Variants in KYAT3 observed in about 807,000 individuals in gnomAD.
The protein encoded by KYAT3 is kynurenine aminotransferase 3.
A neutral mutation model predicts 59.0 loss-of-function variants in KYAT3; 50 were observed. The ratio of observed to expected loss-of-function variants is 0.85; its 90% CI spans 0.68 to 1.07. The LOEUF (loss-of-function observed/expected upper bound fraction) is 1.07. KYAT3 is among the 50% of genes least tolerant of loss of function. The pLI, the probability that KYAT3 is intolerant of heterozygous loss-of-function variation, is 0.00. For missense variants in KYAT3, 497 were observed against 533.3 expected (o/e 0.93, Z 0.67); for synonymous variants, 148 against 177.0 (o/e 0.84, Z 1.30).
intron 4 of KYAT3, among the ~76,000 whole-genome samples, chr1:88,965,976 T>G (rs1676334781): frequency 6.6e-6 from 1 of 152,212 alleles, no homozygotes; most frequent in Non-Finnish European, 1.5e-5. Flanking sequence ...TGTTTGTGCT[T>G]TTAAAATTAA....
chr1:88,948,238 G>A (rs1224871117), intron 11 of KYAT3, among the ~76,000 whole-genome samples: 3 of 152,008 alleles, frequency 2.0e-5, no homozygotes, highest in Non-Finnish European at 2.9e-5. Flanking sequence ...ATACAATTTA[G>A]TATAAATAAA....
At chr1:88,922,751 C>G in the KYAT3 span, among the ~76,000 whole-genome samples, 3 of 152,188 alleles carry the variant, frequency 2.0e-5, no homozygotes, top group Admixed American at 2.0e-4. Flanking sequence ...TTCCTCCCAT[C>G]TTTATTCTGA....
chr1:88,929,519 C>A, the KYAT3 span, among the ~76,000 whole-genome samples: 1 of 152,160 alleles, frequency 6.6e-6, no homozygotes, highest in Non-Finnish European at 1.5e-5. Flanking sequence ...TCAGGGATAG[C>A]CCCCATCTAT....
At chr1:88,978,508 A>AT (rs1170337945) in intron 2 of KYAT3, among the ~76,000 whole-genome samples, 3 of 151,258 alleles carry the variant, frequency 2.0e-5, no homozygotes, top group African/African-American at 7.3e-5. Flanking sequence ...GTTAACTTTA[A>AT]TTTTTTTGAG....
At chr1:88,961,652 T>G in intron 6 of KYAT3, 146 bp from the exon 7 acceptor site, 1 of 684,314 alleles carries the variant, frequency 1.5e-6, no homozygotes, top group South Asian at 2.2e-5. Context: ...TTTCCTGCAG[T>G]AGGAACAGAA....
chr1:88,961,347 C>G lies in KYAT3; in HGVS notation c.666+34G>C, dbSNP rs1265477806. On this transcript the variant is annotated intron_variant, in intron 7 of 13. Transcript: ENST00000260508. ...TTCAACATGTGAGAAAATGATAGGT[C>G]AGAAGACTGTATAAGGAGATGAGAC... 2.5e-6 allele frequency: 4 copies of G among 1,613,356 alleles called. No homozygotes were observed. In the Admixed American group the frequency reaches 5.0e-5, roughly 20 times the overall value.
At chr1:88,953,018 TCA>T in intron 10 of KYAT3, 43 bp downstream of exon 10, 2 of 1,192,876 alleles carry the variant, frequency 1.7e-6, no homozygotes, top group Non-Finnish European at 2.5e-6. Context: ...AGTAATACCT[TCA>T]CCAAAAGACA....
At chr1:88,930,559 G>A in the KYAT3 span, among the ~76,000 whole-genome samples, 1 of 152,140 alleles carries the variant, frequency 6.6e-6, no homozygotes, top group East Asian at 1.9e-4. Flanking sequence ...GGTATGCAGT[G>A]GTCAGTGGTA....
In KYAT3 at chr1:88,964,944, A is replaced by T. The variant is rs150167083; in HGVS notation, c.338T>A (p.Leu113Gln). The change falls in exon 5 of 14, where the codon CTG (leucine) becomes CAG (glutamine). Residue 113 changes from leucine (L) to glutamine (Q), a missense_variant. Leu to Gln is a moderately radical substitution (Grantham distance 113, BLOSUM62 -2). This residue lies in a region of KYAT3 where 469 missense variants were observed against 479.1 expected (regional missense o/e 0.98). Transcript: ENST00000260508. ...TTGCTTTTGATAAAGCTTTTCATAC[A>T]GATAGGACAGAGCTTTCACAAGTGA... ...HPSLVKALSY[L>Q]YEKLYQKQID... 6.2e-7 allele frequency: 1 copy of T among 1,607,080 alleles called. No individual in the cohort carries two copies. The highest frequency in any genetic ancestry group is 1.7e-5 in the Admixed American group (1 of 57,944).
the KYAT3 span, among the ~76,000 whole-genome samples, chr1:88,925,802 T>C: frequency 6.8e-6 from 1 of 147,370 alleles, no homozygotes; most frequent in Non-Finnish European, 1.5e-5. Context: ...AAGACAGAAA[T>C]AGTAAACAAA....
At chr1:88,951,673 TTTC>T (rs1270089424) in intron 10 of KYAT3, among the ~76,000 whole-genome samples, 7 of 151,520 alleles carry the variant, frequency 4.6e-5, no homozygotes, top group Non-Finnish European at 8.8e-5. Context: ...TTAAATAGTT[TTTC>T]TTTTTTACTT....
At chr1:88,927,449 C>T in the KYAT3 span, among the ~76,000 whole-genome samples, 1 of 152,112 alleles carries the variant, frequency 6.6e-6, no homozygotes, top group Non-Finnish European at 1.5e-5. Context: ...GCCATATGTG[C>T]AAACTTTCTT....
intron 5 of KYAT3, 84 bp downstream of exon 5, chr1:88,964,745 G>C (rs753227103): frequency 2.8e-6 from 3 of 1,067,010 alleles, no homozygotes; most frequent in Non-Finnish European, 4.2e-6. Flanking sequence ...AAAGAGAAAA[G>C]AGTAGAATAT....
intron 8 of KYAT3, among the ~76,000 whole-genome samples, chr1:88,960,523 G>A (rs1676098796): frequency 6.6e-6 from 1 of 152,184 alleles, no homozygotes; most frequent in Non-Finnish European, 1.5e-5. Flanking sequence ...TATTTTCAAT[G>A]TGATGGTCAT....
chr1:88,970,482 C>T (rs1239325374), intron 2 of KYAT3, among the ~76,000 whole-genome samples: 1 of 152,112 alleles, frequency 6.6e-6, no homozygotes, highest in East Asian at 1.9e-4. Flanking sequence ...CCCAGACAGT[C>T]TGACTCCAGA....
chr1:88,930,088 G>A, the KYAT3 span, among the ~76,000 whole-genome samples: 16 of 152,178 alleles, frequency 1.1e-4, no homozygotes, highest in African/African-American at 3.6e-4. Flanking sequence ...TCCTTACACA[G>A]GTCCGAGGGA....
At chr1:88,987,701 A>G (rs1217324792) in intron 2 of KYAT3, among the ~76,000 whole-genome samples, 2 of 152,204 alleles carry the variant, frequency 1.3e-5, no homozygotes, top group Non-Finnish European at 2.9e-5. Flanking sequence ...AGGTCATTAC[A>G]TCCCTACATA....
At position 88,937,497 on chromosome 1, in the gene KYAT3, C is replaced by T. The variant is rs1042857169; in HGVS notation, c.1303-1252G>A. ...AGTAATAATAATAATAAATTATAGC[C>T]CACTGTACTACAAAATAAAAATCCA... On this transcript the variant is annotated intron_variant, in intron 13 of 13. Coordinates refer to ENST00000260508, the MANE Select transcript of KYAT3 (RefSeq NM_001008661.3). Among the ~76,000 whole-genome samples the T allele has an allele frequency of 3.9e-5, 6 of 151,980 alleles. No homozygotes were observed. The East Asian group carries it at 1.2e-3, about 29-fold the overall frequency.
intron 13 of KYAT3, among the ~76,000 whole-genome samples, chr1:88,941,636 G>T (rs1675240435): frequency 6.6e-6 from 1 of 151,948 alleles, no homozygotes; most frequent in Non-Finnish European, 1.5e-5. Context: ...GGACGTGCTG[G>T]GCTCATGTGA....
Sources: allele counts gnomAD v4.1 joint callset (sites outside exome capture counted in the v4.1 genomes callset), GRCh38; gene constraint gnomAD v4.1.1; regional missense constraint gnomAD v4.1.1; transcripts MANE v1.5; gene names NCBI Gene and HGNC (gene_info 2026-07-23, HGNC 2026-07-21).